Variants in ELOVL2 observed in about 807,000 individuals in gnomAD.
The protein encoded by ELOVL2 is ELOVL fatty acid elongase 2, also known as very long chain fatty acid elongase 2.
In ELOVL2, 38 loss-of-function variants were observed where a neutral mutation model predicts 37.7. That is an observed-to-expected ratio of 1.01 (90% CI 0.78 to 1.32). The LOEUF (loss-of-function observed/expected upper bound fraction) is 1.32, where lower values mean the gene tolerates loss of function less well. Ranked by LOEUF, ELOVL2 falls within the 40% of genes most tolerant of loss-of-function variation. The pLI is 0.00. For synonymous variants in ELOVL2, 115 were observed against 122.3 expected (o/e 0.94, Z 0.40); for missense variants, 352 against 363.6 (o/e 0.97, Z 0.26).
chr6:11,039,878 C>T (rs1029431689), intron 1 of ELOVL2, among the ~76,000 whole-genome samples: 2 of 152,070 alleles, frequency 1.3e-5, no homozygotes, highest in Admixed American at 6.6e-5. Flanking sequence ...GAAACCATTT[C>T]TGACAACATG....
At chr6:11,014,695 T>C (rs73723626) in intron 1 of ELOVL2, among the ~76,000 whole-genome samples, 12,552 of 151,752 alleles carry the variant, frequency 0.083, 1,654 homozygotes, top group African/African-American at 0.27. Flanking sequence ...GGCAAGTAGA[T>C]TGGAGTTGGT....
intron 7 of ELOVL2, among the ~76,000 whole-genome samples, chr6:10,987,371 T>G (rs1380681453): frequency 6.6e-6 from 1 of 152,204 alleles, no homozygotes; most frequent in African/African-American, 2.4e-5. Context: ...TGATTTTAGT[T>G]ATTTCTTGCC....
At chr6:11,009,013 A>G (rs183843265) in intron 2 of ELOVL2, among the ~76,000 whole-genome samples, 3 of 152,360 alleles carry the variant, frequency 2.0e-5, no homozygotes, top group East Asian at 1.9e-4. Context: ...CTGTGAGCCA[A>G]TAAGGCTCAA....
At chr6:10,984,520 C>T (rs1424203715) in intron 7 of ELOVL2, among the ~76,000 whole-genome samples, 1 of 118,410 alleles carries the variant, frequency 8.4e-6, no homozygotes, top group East Asian at 2.9e-4. Flanking sequence ...CTCCCCCCAC[C>T]CCACAACAGT....
chr6:11,035,549 T>C (rs913183372), intron 1 of ELOVL2, among the ~76,000 whole-genome samples: 6 of 152,220 alleles, frequency 3.9e-5, no homozygotes, highest in Admixed American at 3.9e-4. Context: ...TCAGCTTTAT[T>C]AATCCCAGTG....
chr6:11,026,088 G>A (rs112273933), intron 1 of ELOVL2, among the ~76,000 whole-genome samples: 4,613 of 152,220 alleles, frequency 0.03, 85 homozygotes, highest in Non-Finnish European at 0.042. Context: ...TGGAAGCAGC[G>A]ACTGCAAGAG....
At position 10,982,702 on chromosome 6, in the gene ELOVL2, G is replaced by A. The variant is rs1158999387; in HGVS notation, c.*1079C>T. ...TTATCGTGGCTCATGACCGGCCCAC[G>A]GCTCAGTGCTGGAATCTTTCCAAGC... is the stretch of plus-strand genomic sequence containing the variant. On this transcript the variant is annotated 3_prime_UTR_variant, in exon 8 of 8. Transcript: ENST00000354666. The A allele has an allele frequency of 1.3e-5, 2 of 152,140 alleles. No individual in the cohort carries two copies. The highest frequency in any genetic ancestry group is 4.8e-5 in the African/African-American group (2 of 41,418). 9.4% of individuals were successfully genotyped at this position (152,140 alleles called of 1,614,324 possible). A position where few individuals can be genotyped will look rare whatever the true frequency, so the allele number is the denominator to read the frequency against.
chr6:11,002,810 T>G (rs1374964548), intron 3 of ELOVL2, among the ~76,000 whole-genome samples: 1 of 152,244 alleles, frequency 6.6e-6, no homozygotes, highest in Non-Finnish European at 1.5e-5. Flanking sequence ...GCTCTTCAAG[T>G]GTAGAAGCTG....
At chr6:10,999,824 C>T (rs1199517976) in intron 4 of ELOVL2, among the ~76,000 whole-genome samples, 1 of 152,156 alleles carries the variant, frequency 6.6e-6, no homozygotes, top group Non-Finnish European at 1.5e-5. Context: ...AACTATATCC[C>T]AGAGACAATT....
At chr6:11,038,331 A>G (rs1783046574) in intron 1 of ELOVL2, among the ~76,000 whole-genome samples, 1 of 152,134 alleles carries the variant, frequency 6.6e-6, no homozygotes, top group Non-Finnish European at 1.5e-5. Context: ...AGTAAAAATA[A>G]TTATTTATTC....
chr6:10,984,013 G>T, intron 7 of ELOVL2, 107 bp from the exon 8 acceptor site: 2 of 1,098,506 alleles, frequency 1.8e-6, no homozygotes, highest in Non-Finnish European at 1.3e-6. Flanking sequence ...GTTGGGCGCA[G>T]GATTTTCTGT....
At chr6:10,989,660 C>CA (rs1240264263) in intron 7 of ELOVL2, 43 bp downstream of exon 7, 1 of 1,583,730 alleles carries the variant, frequency 6.3e-7, no homozygotes, top group Non-Finnish European at 8.6e-7. Context: ...AAAATAGTGC[C>CA]AATCGATTAC....
intron 7 of ELOVL2, among the ~76,000 whole-genome samples, chr6:10,985,713 GT>G (rs1368410547): frequency 6.6e-6 from 1 of 151,966 alleles, no homozygotes; most frequent in East Asian, 1.9e-4. Flanking sequence ...CTATATCTCT[GT>G]TTTGGTAACA....
intron 3 of ELOVL2, among the ~76,000 whole-genome samples, chr6:11,001,804 C>T (rs1166516275): frequency 6.6e-6 from 1 of 152,134 alleles, no homozygotes; most frequent in Admixed American, 6.5e-5. Context: ...GTGTAGGAGT[C>T]ATCCAACCTA....
chr6:11,005,687 G>A, intron 2 of ELOVL2, 128 bp from the exon 3 acceptor site: 4 of 753,332 alleles, frequency 5.3e-6, no homozygotes, highest in Non-Finnish European at 8.3e-6. Flanking sequence ...CATTAGGTAG[G>A]CTGGCCTGGG....
At chr6:10,993,953 C>T (rs1373080602) in intron 5 of ELOVL2, among the ~76,000 whole-genome samples, 1 of 140,860 alleles carries the variant, frequency 7.1e-6, no homozygotes, top group Non-Finnish European at 1.5e-5. Flanking sequence ...GCGATTTCGC[C>T]TGCCTTGGCC....
At chr6:11,037,850 C>A (rs1783038495) in intron 1 of ELOVL2, among the ~76,000 whole-genome samples, 1 of 152,076 alleles carries the variant, frequency 6.6e-6, no homozygotes, top group African/African-American at 2.4e-5. Flanking sequence ...AAACTTAAGA[C>A]TTTATATATT....
intron 1 of ELOVL2, among the ~76,000 whole-genome samples, chr6:11,017,467 A>G (rs192547442): frequency 1.4e-4 from 21 of 152,316 alleles, no homozygotes; most frequent in South Asian, 6.2e-4. Context: ...CACAAAGCCA[A>G]TAGTGGGTGA....
At chr6:11,042,131 G>C (rs915811641) in intron 1 of ELOVL2, among the ~76,000 whole-genome samples, 10 of 152,068 alleles carry the variant, frequency 6.6e-5, no homozygotes, top group Admixed American at 6.5e-4. Context: ...TGGACAACAT[G>C]GTGAAACTCT....
Sources: allele counts gnomAD v4.1 joint callset (sites outside exome capture counted in the v4.1 genomes callset), GRCh38; gene constraint gnomAD v4.1.1; transcripts MANE v1.5; gene names NCBI Gene and HGNC (gene_info 2026-07-23, HGNC 2026-07-21).